The following PCDHGA2 variants were observed in gnomAD, a reference collection of about 807,000 sequenced individuals.
PCDHGA2 encodes the protein protocadherin gamma subfamily A, 2.
PCDHGA2 carries 40 observed loss-of-function variants against 59.2 expected under a neutral mutation model. The observed-to-expected ratio is 0.68, with a 90% CI of 0.52 to 0.88. The LOEUF (loss-of-function observed/expected upper bound fraction) is 0.88. Among genes scored for constraint, PCDHGA2 ranks in the 40% least tolerant of loss-of-function variants. PCDHGA2 has a pLI of 0.00. For synonymous variants in PCDHGA2, 560 were observed against 526.0 expected, an observed-to-expected ratio of 1.06 and a Z score of -0.89; for missense variants, 1,226 against 1,204.0, an observed-to-expected ratio of 1.02 and a Z score of -0.27.
intron 1 of PCDHGA2, chr5:141,428,210 A>T: frequency 7.7e-7 from 1 of 1,293,350 alleles, no homozygotes; most frequent in Non-Finnish European, 1.1e-6. Flanking sequence ...GCTACGCTTC[A>T]CCTAGTCTTC....
At chr5:141,405,505 C>T (rs573282216) in intron 1 of PCDHGA2, 22 of 751,126 alleles carry the variant, frequency 2.9e-5, no homozygotes, top group Admixed American at 1.7e-4. Flanking sequence ...TTGCAACCTC[C>T]GCCTCCCAAA....
intron 1 of PCDHGA2, chr5:141,428,113 T>G: frequency 3.7e-6 from 6 of 1,607,492 alleles, no homozygotes; most frequent in Non-Finnish European, 5.1e-6. Context: ...CTGCAGGCCA[T>G]CGAGCCCGGG....
chr5:141,470,915 C>A (rs2099244061), intron 1 of PCDHGA2, among the ~76,000 whole-genome samples: 1 of 152,010 alleles, frequency 6.6e-6, no homozygotes, highest in Non-Finnish European at 1.5e-5. Flanking sequence ...GGGACTGTCC[C>A]TATGTTGCTC....
At chr5:141,494,156 C>T (rs566096073) in intron 1 of PCDHGA2, among the ~76,000 whole-genome samples, 22 of 152,316 alleles carry the variant, frequency 1.4e-4, no homozygotes, top group African/African-American at 4.3e-4. Context: ...TTGTCTGGCA[C>T]GGAGTTCTAG....
intron 1 of PCDHGA2, chr5:141,343,740 AT>A (rs1561486641): frequency 3.5e-6 from 1 of 286,952 alleles, no homozygotes; most frequent in Non-Finnish European, 6.4e-6. Flanking sequence ...AAAAATAATA[AT>A]GTGTCTGAGA....
At chr5:141,389,320 T>TG (rs764190187) in intron 1 of PCDHGA2, 4 of 1,613,964 alleles carry the variant, frequency 2.5e-6, no homozygotes, top group Non-Finnish European at 3.4e-6. Context: ...GATCCGGACT[T>TG]GGGGCCCAAC....
chr5:141,486,706 C>T lies in PCDHGA2; in HGVS notation c.2425-8101C>T. 1.2e-6 allele frequency: 2 copies of T among 1,614,154 alleles called. No homozygotes were observed. Among genetic ancestry groups the T allele is most frequent in the Admixed American group, 1.7e-5 (1 of 60,020 alleles). On this transcript the variant is annotated intron_variant, in intron 1 of 3. Transcript: ENST00000394576. This position sits in a 1 kb window ranked among gnomAD's most constrained non-coding sequence, Gnocchi z 5.0. ...CAGCTTCCTCTTTCATCTCTCTGAACCCCCAGACAGGAGCTGTTCATGCTA... is the reference window on the plus strand; with the variant it reads ...CAGCTTCCTCTTTCATCTCTCTGAATCCCCAGACAGGAGCTGTTCATGCTA...
At chr5:141,437,561 C>G (rs1228292384) in intron 1 of PCDHGA2, among the ~76,000 whole-genome samples, 1 of 152,110 alleles carries the variant, frequency 6.6e-6, no homozygotes, top group Non-Finnish European at 1.5e-5. Context: ...TGACATGTAA[C>G]AGAGTATAGC....
chr5:141,415,860 A>G (rs2095965840), intron 1 of PCDHGA2: 3 of 1,175,636 alleles, frequency 2.6e-6, no homozygotes, highest in Middle Eastern at 3.1e-4. Context: ...CTTGTAGTTT[A>G]TAGTGTTGTT....
chr5:141,476,743 T>A lies in PCDHGA2; in HGVS notation c.2425-18064T>A. On this transcript the variant is annotated intron_variant, in intron 1 of 3. Coordinates refer to ENST00000394576, the MANE Select transcript of PCDHGA2 (RefSeq NM_018915.4). The surrounding 1 kb of genome is among the most constrained non-coding windows in gnomAD (Gnocchi z 7.6). ...CCCTGGACCGAGAACGGGAGCCTAG[T>A]CTCCAGTTAGTGCTGACGGCGTTGG... is the stretch of plus-strand genomic sequence containing the variant. The A allele has an allele frequency of 6.2e-7, 1 of 1,613,932 alleles. No individual in the cohort carries two copies. The highest frequency in any genetic ancestry group is 1.1e-5 in the South Asian group (1 of 91,064).
intron 1 of PCDHGA2, chr5:141,433,240 C>A (rs533423214): frequency 1.3e-6 from 2 of 1,488,038 alleles, no homozygotes; most frequent in Non-Finnish European, 1.8e-6. Flanking sequence ...GTCTCCCAAG[C>A]TGGAATGCAG....
At chr5:141,373,509 C>G (rs1444734450) in intron 1 of PCDHGA2, among the ~76,000 whole-genome samples, 1 of 152,152 alleles carries the variant, frequency 6.6e-6, no homozygotes, top group East Asian at 1.9e-4. Flanking sequence ...GGAGACAGAG[C>G]GAGACTTTGT....
rs1255551589 is a variant in PCDHGA2 at position 141,410,375 on chromosome 5, G to A, written c.2424+68980G>A. ...ACGCTCTCTCAGCCCTGCTACTTGG[G>A]ACTGCTTCCATCCTGGTCTCTGTGT... On this transcript the variant is annotated intron_variant, in intron 1 of 3. Coordinates refer to ENST00000394576, the MANE Select transcript of PCDHGA2 (RefSeq NM_018915.4). The A allele has an allele frequency of 6.2e-7, 1 of 1,614,028 alleles. No individual in the cohort carries two copies. Among genetic ancestry groups the A allele is most frequent in the Admixed American group, 1.7e-5 (1 of 60,022 alleles).
At chr5:141,420,006 G>C (rs2096458103) in intron 1 of PCDHGA2, 2 of 1,613,934 alleles carry the variant, frequency 1.2e-6, no homozygotes, top group Admixed American at 3.3e-5. Flanking sequence ...CTACGCCTGC[G>C]ACAGTCTTTC....
At chr5:141,413,257 T>C (rs777964429) in intron 1 of PCDHGA2, 3 of 1,613,954 alleles carry the variant, frequency 1.9e-6, no homozygotes, top group African/African-American at 1.3e-5. Flanking sequence ...CGGGATTCCA[T>C]GGGAGGCTGG....
At chr5:141,383,112 G>C (rs1167934535) in intron 1 of PCDHGA2, 5 of 1,613,924 alleles carry the variant, frequency 3.1e-6, no homozygotes, top group Non-Finnish European at 4.2e-6. Context: ...CCAGAGGTAG[G>C]ACGCAGCTTT....
rs778294045 is a variant in PCDHGA2 at position 141,399,841 on chromosome 5, G to A, written c.2424+58446G>A. 2 of 1,612,968 alleles carry A rather than the reference G, an allele frequency of 1.2e-6. No homozygotes were observed. Among genetic ancestry groups the A allele is most frequent in the African/African-American group, 1.3e-5 (1 of 74,926 alleles). ...GGGTCCCGACGGCTCTGCGCTCTTC[G>A]ATATGGTGCCGCGCGCTGCAGAGCC... On this transcript the variant is annotated intron_variant, in intron 1 of 3. Transcript: ENST00000394576.
chr5:141,415,740 GT>G (rs57426385), intron 1 of PCDHGA2: 12,894 of 617,008 alleles, frequency 0.021, 1 homozygote, highest in South Asian at 0.027. Flanking sequence ...GTTTATTAAG[GT>G]TTTTTTTTTT....
chr5:141,400,091 C>T, intron 1 of PCDHGA2: 4 of 1,614,072 alleles, frequency 2.5e-6, no homozygotes, highest in South Asian at 1.1e-5. Context: ...GCCACCGCCA[C>T]GCTGCACTTG....
Sources: gnomAD v4.1 joint callset for allele counts (sites outside exome capture counted in the v4.1 genomes callset) on GRCh38, gnomAD v4.1.1 for gene constraint, Gnocchi (gnomAD v3.1) non-coding constraint, MANE v1.5 for transcripts, NCBI Gene and HGNC (gene_info 2026-07-23, HGNC 2026-07-21) for gene names.